Variants in GIPC2 observed in about 807,000 individuals in gnomAD.
GIPC2 encodes GIPC PDZ domain containing family member 2.
A neutral mutation model predicts 30.6 loss-of-function variants in GIPC2; 30 were observed. The ratio of observed to expected loss-of-function variants is 0.98; its 90% CI spans 0.73 to 1.33. GIPC2 has a LOEUF of 1.33. Among genes scored for constraint, GIPC2 ranks in the 40% most tolerant of loss-of-function variants. The pLI is 0.00. For missense variants in GIPC2, 414 were observed against 390.3 expected (o/e 1.06, Z -0.51); for synonymous variants, 167 against 150.0 (o/e 1.11, Z -0.83).
intron 3 of GIPC2, among the ~76,000 whole-genome samples, chr1:78,097,220 C>A (rs914796524): frequency 6.6e-6 from 1 of 151,992 alleles, no homozygotes; most frequent in African/African-American, 2.4e-5. Context: ...CCTGTATTTT[C>A]TGGCATTATT....
intron 3 of GIPC2, among the ~76,000 whole-genome samples, chr1:78,097,199 T>C (rs1169756567): frequency 6.6e-6 from 1 of 152,180 alleles, no homozygotes; most frequent in East Asian, 1.9e-4. Flanking sequence ...CTATGTTTCC[T>C]TTCTTTTTTT....
intron 2 of GIPC2, among the ~76,000 whole-genome samples, chr1:78,082,295 G>A (rs1188724833): frequency 6.6e-6 from 1 of 152,146 alleles, no homozygotes; most frequent in Admixed American, 6.5e-5. Context: ...TCATGCAACA[G>A]GGAATATTTT....
At chr1:78,053,381 C>T (rs925473546) in intron 1 of GIPC2, among the ~76,000 whole-genome samples, 1 of 152,190 alleles carries the variant, frequency 6.6e-6, no homozygotes. Flanking sequence ...TTTGGACCCT[C>T]TCCCAAATCA....
Position 78,067,614 on chromosome 1 carries a change from G to A in GIPC2, c.241-13061G>A, listed in dbSNP as rs149037664. Among the ~76,000 whole-genome samples, 114 of 151,994 alleles carry A rather than the reference G, an allele frequency of 7.5e-4. No homozygotes were observed. In the East Asian group the frequency reaches 0.012, roughly 16 times the overall value. On this transcript the variant is annotated intron_variant, in intron 1 of 5. Transcript: ENST00000370759. ...ATTACAGGTGCCCACGACCATGCCCGGCTAATTTTTGTATTATTAGTAGAG... is the reference window on the plus strand; with the variant it reads ...ATTACAGGTGCCCACGACCATGCCCAGCTAATTTTTGTATTATTAGTAGAG...
intron 5 of GIPC2, among the ~76,000 whole-genome samples, chr1:78,130,411 TC>T (rs1662872456): frequency 6.6e-6 from 1 of 152,188 alleles, no homozygotes; most frequent in Non-Finnish European, 1.5e-5. Flanking sequence ...CAGATCACTT[TC>T]TTTTTATAGT....
intron 3 of GIPC2, among the ~76,000 whole-genome samples, chr1:78,106,622 A>C (rs540853943): frequency 2.6e-5 from 4 of 152,216 alleles, no homozygotes; most frequent in Admixed American, 2.6e-4. Flanking sequence ...GTAATATCCC[A>C]GTTTTGCAAA....
chr1:78,057,979 A>G (rs1313786099), intron 1 of GIPC2, among the ~76,000 whole-genome samples: 4 of 152,228 alleles, frequency 2.6e-5, no homozygotes, highest in South Asian at 2.1e-4. Context: ...GGACCTAGAA[A>G]AAAGGACCTA....
chr1:78,074,360 G>A (rs753750134), intron 1 of GIPC2, among the ~76,000 whole-genome samples: 1 of 152,158 alleles, frequency 6.6e-6, no homozygotes, highest in Non-Finnish European at 1.5e-5. Context: ...CTAAGTAGTT[G>A]AGACTACAGG....
chr1:78,126,930 G>A (rs1662794531), intron 5 of GIPC2, among the ~76,000 whole-genome samples: 3 of 152,160 alleles, frequency 2.0e-5, no homozygotes, highest in African/African-American at 7.2e-5. Flanking sequence ...GGAACTGACA[G>A]TGACCCTGAA....
intron 4 of GIPC2, 69 bp downstream of exon 4, chr1:78,119,568 A>G: frequency 1.0e-6 from 1 of 954,166 alleles, no homozygotes; most frequent in Non-Finnish European, 1.7e-6. Context: ...CATTCATTCT[A>G]ACCAAAACTT....
At chr1:78,084,152 A>G (rs548254933) in intron 2 of GIPC2, among the ~76,000 whole-genome samples, 1 of 152,314 alleles carries the variant, frequency 6.6e-6, no homozygotes, top group South Asian at 2.1e-4. Flanking sequence ...CTGTGCTCAT[A>G]CATTGCTATT....
chr1:78,122,116 G>A (rs146122515), intron 4 of GIPC2, among the ~76,000 whole-genome samples: 5 of 152,292 alleles, frequency 3.3e-5, no homozygotes, highest in Admixed American at 2.6e-4. Flanking sequence ...ATCTACCTGG[G>A]GAGGTAGGAA....
At chr1:78,131,881 C>G (rs541540984) in intron 5 of GIPC2, among the ~76,000 whole-genome samples, 1 of 152,206 alleles carries the variant, frequency 6.6e-6, no homozygotes, top group Non-Finnish European at 1.5e-5. Flanking sequence ...GTATAGAGCA[C>G]TGTATTACAT....
At chr1:78,081,981 C>T (rs1192118623) in intron 2 of GIPC2, among the ~76,000 whole-genome samples, 1 of 152,062 alleles carries the variant, frequency 6.6e-6, no homozygotes, top group South Asian at 2.1e-4. Flanking sequence ...TCATTTGTGC[C>T]CCTTCCCAGT....
chr1:78,131,259 T>A (rs1315842488), intron 5 of GIPC2, among the ~76,000 whole-genome samples: 1 of 152,064 alleles, frequency 6.6e-6, no homozygotes, highest in Non-Finnish European at 1.5e-5. Context: ...CAGGCTGGAG[T>A]GCAGTGTGGC....
At chr1:78,107,186 A>T (rs1662370882) in intron 3 of GIPC2, among the ~76,000 whole-genome samples, 1 of 147,806 alleles carries the variant, frequency 6.8e-6, no homozygotes, top group Non-Finnish European at 1.5e-5. Flanking sequence ...CCCTCCTTCC[A>T]GGGTCTCACT....
intron 4 of GIPC2, among the ~76,000 whole-genome samples, chr1:78,121,477 G>C (rs537172441): frequency 6.6e-6 from 1 of 152,124 alleles, no homozygotes; most frequent in Non-Finnish European, 1.5e-5. Flanking sequence ...CAAGGTCCAG[G>C]GTTGGTCATG....
chr1:78,110,497 G>A (rs1662447324), intron 3 of GIPC2, among the ~76,000 whole-genome samples: 1 of 152,232 alleles, frequency 6.6e-6, no homozygotes, highest in Non-Finnish European at 1.5e-5. Context: ...TGTCCTGAGA[G>A]AATTGTCCTT....
chr1:78,050,069 G>C (rs1446965743), intron 1 of GIPC2, among the ~76,000 whole-genome samples: 1 of 151,754 alleles, frequency 6.6e-6, no homozygotes, highest in Non-Finnish European at 1.5e-5. Context: ...GATAATTTTT[G>C]TGTTTTTGTA....
Sources: allele counts gnomAD v4.1 joint callset (sites outside exome capture counted in the v4.1 genomes callset), GRCh38; gene constraint gnomAD v4.1.1; transcripts MANE v1.5; gene names NCBI Gene and HGNC (gene_info 2026-07-23, HGNC 2026-07-21).